DAB1: variants seen among roughly 807,000 people sequenced by gnomAD.
DAB1 encodes the protein DAB adaptor protein 1.
Under a neutral mutation model 64.6 loss-of-function variants are expected in DAB1, and 15 were observed. That is an observed-to-expected ratio of 0.23 (90% confidence interval 0.16 to 0.36). DAB1 has a LOEUF of 0.36. DAB1 is among the 10% of genes least tolerant of loss of function. The pLI, the probability that DAB1 is intolerant of heterozygous loss-of-function variation, is 1.00. For missense variants in DAB1, 596 were observed against 706.7 expected, an observed-to-expected ratio of 0.84 and a Z score of 1.78; for synonymous variants, 235 against 251.9, an observed-to-expected ratio of 0.93 and a Z score of 0.64.
chr1:58,412,147 G>A (rs537848501), intron 3 of DAB1, among the ~76,000 whole-genome samples: 3 of 152,266 alleles, frequency 2.0e-5, no homozygotes, highest in African/African-American at 7.2e-5. Context: ...CTTTGGTGTT[G>A]CTCAGCTGGG....
chr1:57,450,413 A>G (rs17115793), intron 7 of DAB1, among the ~76,000 whole-genome samples: 12,148 of 152,256 alleles, frequency 0.08, 587 homozygotes, highest in South Asian at 0.2. Flanking sequence ...GCTGAAAAAA[A>G]ATATTCTGGA....
chr1:57,995,788 G>T (rs1402430940), intron 5 of DAB1, among the ~76,000 whole-genome samples: 1 of 151,704 alleles, frequency 6.6e-6, no homozygotes, highest in African/African-American at 2.4e-5. Flanking sequence ...GCCAGCAGGG[G>T]TCTTTAAATT....
intron 9 of DAB1, among the ~76,000 whole-genome samples, chr1:57,057,659 G>C (rs917610669): frequency 1.3e-5 from 2 of 150,170 alleles, no homozygotes; most frequent in South Asian, 2.1e-4. Flanking sequence ...CCAGGCTGGA[G>C]TGCAGTGGCA....
intron 4 of DAB1, among the ~76,000 whole-genome samples, chr1:58,215,051 C>T (rs1262681554): frequency 3.3e-5 from 5 of 152,210 alleles, no homozygotes; most frequent in Non-Finnish European, 5.9e-5. Flanking sequence ...CTTGCCCATA[C>T]ATCTGCAGAA....
intron 1 of DAB1, among the ~76,000 whole-genome samples, chr1:57,383,064 G>A (rs1001933108): frequency 6.6e-6 from 1 of 152,092 alleles, no homozygotes; most frequent in African/African-American, 2.4e-5. Flanking sequence ...AGAAAGGTGA[G>A]GGGAATAAAA....
intron 3 of DAB1, among the ~76,000 whole-genome samples, chr1:58,384,507 G>C (rs1213648182): frequency 2.6e-5 from 4 of 152,284 alleles, no homozygotes; most frequent in Admixed American, 6.5e-5. Context: ...GAGGGTGTAT[G>C]ATGAGTCAGG....
rs530903902 is a variant in DAB1 at position 58,210,486 on chromosome 1, GA to G, written n.310-59899del. Reference sequence around the variant, plus strand: ...CCCCCAACACACAAGTGAATTAAAGGAAAAAAATAATAGCAGAGCATTCTTC... The same window carrying G: ...CCCCCAACACACAAGTGAATTAAAGGAAAAAATAATAGCAGAGCATTCTTC... On this transcript the variant is annotated intron_variant and non_coding_transcript_variant, in intron 4 of 20. Coordinates refer to the DAB1 transcript ENST00000485760. 3.7e-3 allele frequency among the ~76,000 whole-genome samples: 563 copies of G among 152,114 alleles called. 8 individuals are homozygous for G. Among genetic ancestry groups the G allele is most frequent in the African/African-American group, 0.013 (536 of 41,532 alleles).
intron 4 of DAB1, among the ~76,000 whole-genome samples, chr1:58,193,616 G>A (rs1254281017): frequency 6.6e-6 from 1 of 152,188 alleles, no homozygotes; most frequent in Admixed American, 6.5e-5. Context: ...AGCACTTTGG[G>A]AGGTCGAGGC....
At chr1:57,780,313 C>T (rs1358342306) in intron 6 of DAB1, among the ~76,000 whole-genome samples, 2 of 151,652 alleles carry the variant, frequency 1.3e-5, no homozygotes. Context: ...AGGAGATGGC[C>T]AAAGTGAAAA....
At chr1:58,370,874 C>T (rs1041819106) in intron 3 of DAB1, among the ~76,000 whole-genome samples, 3 of 152,190 alleles carry the variant, frequency 2.0e-5, no homozygotes, top group African/African-American at 7.2e-5. Flanking sequence ...TTTCCTGAGG[C>T]CTCCCCTGCC....
At chr1:57,864,290 T>C (rs1465623329) in intron 1 of DAB1, 1 of 152,204 alleles carries the variant, frequency 6.6e-6, no homozygotes, top group African/African-American at 2.4e-5. Flanking sequence ...CTTTCCATAA[T>C]GGTGTAGTGA....
At chr1:58,173,912 G>A (rs146016864) in intron 4 of DAB1, among the ~76,000 whole-genome samples, 1 of 152,260 alleles carries the variant, frequency 6.6e-6, no homozygotes, top group Non-Finnish European at 1.5e-5. Flanking sequence ...TACTTGTAGG[G>A]TTAGGAATGG....
chr1:57,218,618 G>A lies in DAB1; in HGVS notation c.67+72346C>T, dbSNP rs142128669. ...GCTGAGGTGGAAGGATCGCTTGAGC[G>A]TGGGAGGTCTAGGCTGCAATGAGCC... On this transcript the variant is annotated intron_variant, in intron 2 of 14. Transcript: ENST00000371236. Among the ~76,000 whole-genome samples, 131 of 151,842 alleles carry A rather than the reference G, an allele frequency of 8.6e-4. 2 individuals are homozygous for A. In the East Asian group the frequency reaches 0.022, roughly 26 times the overall value.
At chr1:57,761,671 C>A (rs1241910396) in intron 6 of DAB1, among the ~76,000 whole-genome samples, 3 of 152,206 alleles carry the variant, frequency 2.0e-5, no homozygotes, top group Non-Finnish European at 2.9e-5. Context: ...ACTGCCCAGG[C>A]AGAGGTATTT....
chr1:58,228,262 G>T (rs1557704752), intron 4 of DAB1, among the ~76,000 whole-genome samples: 2 of 152,156 alleles, frequency 1.3e-5, no homozygotes, highest in African/African-American at 2.4e-5. Flanking sequence ...TTTTAAAACC[G>T]AATGCTGATA....
chr1:58,063,314 A>G lies in DAB1; in HGVS notation n.387+87197T>C, dbSNP rs1365297096. Among the ~76,000 whole-genome samples, 3 of 152,318 alleles carry G rather than the reference A, an allele frequency of 2.0e-5. No homozygotes were observed. In the South Asian group the frequency reaches 6.2e-4, roughly 32 times the overall value. Reference sequence around the variant, plus strand: ...TGAGTCATTTCGTGACGCAAGAAAAAAAATGACACCTTTACAACAGCTGCA... The same window carrying G: ...TGAGTCATTTCGTGACGCAAGAAAAGAAATGACACCTTTACAACAGCTGCA... On this transcript the variant is annotated intron_variant and non_coding_transcript_variant, in intron 5 of 20. Coordinates refer to the DAB1 transcript ENST00000485760.
intron 2 of DAB1, among the ~76,000 whole-genome samples, chr1:57,206,395 C>T (rs930522240): frequency 6.6e-6 from 1 of 152,198 alleles, no homozygotes; most frequent in Non-Finnish European, 1.5e-5. Context: ...CTAGCCCCCA[C>T]TACCTCATTG....
chr1:58,199,301 A>G (rs940436853), intron 4 of DAB1, among the ~76,000 whole-genome samples: 1 of 152,170 alleles, frequency 6.6e-6, no homozygotes, highest in Non-Finnish European at 1.5e-5. Flanking sequence ...GGCTTAAGTC[A>G]ATTTCAGTCA....
chr1:58,543,388 T>C (rs563228517), intron 1 of DAB1, among the ~76,000 whole-genome samples: 2 of 152,348 alleles, frequency 1.3e-5, no homozygotes, highest in South Asian at 4.1e-4. Context: ...CTGGATTATC[T>C]CTACAGCAAC....
Sources: allele counts gnomAD v4.1 joint callset (sites outside exome capture counted in the v4.1 genomes callset), GRCh38; gene constraint gnomAD v4.1.1; transcripts MANE v1.5; gene names NCBI Gene and HGNC (gene_info 2026-07-23, HGNC 2026-07-21).